Variants in FAM168A observed in about 807,000 individuals in gnomAD.
The protein encoded by FAM168A is protein FAM168A.
Under a neutral mutation model 28.5 loss-of-function variants are expected in FAM168A, and 3 were observed. The observed-to-expected ratio is 0.11, with a 90% CI of 0.05 to 0.27. The LOEUF is 0.27. FAM168A is among the 10% of genes least tolerant of loss of function. The pLI, the probability that FAM168A is intolerant of heterozygous loss-of-function variation, is 1.00. For synonymous variants in FAM168A, 122 were observed against 124.2 expected (o/e 0.98, Z 0.12); for missense variants, 222 against 311.5 (o/e 0.71, Z 2.16).
chr11:73,409,724 A>T lies in FAM168A; in HGVS notation c.421-63T>A. ...GAGGTAGGTGGGATATGGAGAGAGCAGCACTGGCTGAAGGACACAAGGTCC... is the reference window on the plus strand; with the variant it reads ...GAGGTAGGTGGGATATGGAGAGAGCTGCACTGGCTGAAGGACACAAGGTCC... On this transcript the variant is annotated intron_variant, in intron 5 of 7. Coordinates refer to ENST00000356467, the MANE Select transcript of FAM168A (RefSeq NM_015159.3). 9.3e-6 allele frequency: 14 copies of T among 1,504,314 alleles called. No individual in the cohort carries two copies. In the South Asian group the frequency reaches 1.7e-4, roughly 18 times the overall value. 93.2% of individuals were successfully genotyped at this position (1,504,314 alleles called of 1,614,324 possible). A position where few individuals can be genotyped will look rare whatever the true frequency, so the allele number is the denominator to read the frequency against.
At chr11:73,436,103 C>CT (rs11435669) in intron 2 of FAM168A, among the ~76,000 whole-genome samples, 9,445 of 152,142 alleles carry the variant, frequency 0.062, 873 homozygotes, top group African/African-American at 0.2. Flanking sequence ...CACAAGTTAG[C>CT]TTTTTTCCTT....
chr11:73,554,555 T>C (rs1943867661), intron 1 of FAM168A, among the ~76,000 whole-genome samples: 1 of 152,224 alleles, frequency 6.6e-6, no homozygotes, highest in Admixed American at 6.5e-5. Flanking sequence ...CCAAGTTTTC[T>C]AGTTTTTCCA....
chr11:73,579,178 A>G (rs575155816), intron 1 of FAM168A, among the ~76,000 whole-genome samples: 1 of 152,274 alleles, frequency 6.6e-6, no homozygotes, highest in Admixed American at 6.5e-5. Flanking sequence ...CACCCCAAAC[A>G]TCACACTGAG....
chr11:73,415,790 G>C lies in FAM168A; in HGVS notation c.277+4084C>G, dbSNP rs1397447313. ...CACAGATTTTGCCCAAATGAACTTA[G>C]ACTCAGTTCACTCACTGGAGGCCTG... On this transcript the variant is annotated intron_variant, in intron 4 of 7. Coordinates refer to ENST00000356467, the MANE Select transcript of FAM168A (RefSeq NM_015159.3). Among the ~76,000 whole-genome samples, 4 of 152,166 alleles carry C rather than the reference G, an allele frequency of 2.6e-5. No homozygotes were observed. In the East Asian group the frequency reaches 7.7e-4, roughly 29 times the overall value.
chr11:73,562,191 C>T (rs964075201), intron 1 of FAM168A, among the ~76,000 whole-genome samples: 18 of 152,200 alleles, frequency 1.2e-4, no homozygotes, highest in Non-Finnish European at 2.4e-4. Flanking sequence ...TCCGCCTGCC[C>T]TGGCCTCCCA....
chr11:73,519,801 C>T (rs1302498230), intron 1 of FAM168A, among the ~76,000 whole-genome samples: 3 of 148,954 alleles, frequency 2.0e-5, no homozygotes, highest in African/African-American at 4.9e-5. Context: ...TGTGCGTGTG[C>T]GTTTGTGTGT....
intron 2 of FAM168A, among the ~76,000 whole-genome samples, chr11:73,434,120 A>C (rs1275093490): frequency 6.6e-6 from 1 of 152,206 alleles, no homozygotes; most frequent in African/African-American, 2.4e-5. Context: ...CTGGGATTAC[A>C]GGCGTGAGCT....
At chr11:73,458,668 T>C (rs958913398) in intron 2 of FAM168A, among the ~76,000 whole-genome samples, 2 of 152,174 alleles carry the variant, frequency 1.3e-5, no homozygotes, top group African/African-American at 2.4e-5. Context: ...TGGAGTGCAA[T>C]GGTGCGATCT....
chr11:73,483,352 C>T (rs984823900), intron 1 of FAM168A, among the ~76,000 whole-genome samples: 13 of 152,072 alleles, frequency 8.5e-5, no homozygotes, highest in South Asian at 2.1e-4. Flanking sequence ...GAGCCTAAAA[C>T]GAGTAAGGAA....
intron 1 of FAM168A, among the ~76,000 whole-genome samples, chr11:73,571,586 C>T (rs1284989301): frequency 6.6e-6 from 1 of 151,678 alleles, no homozygotes; most frequent in African/African-American, 2.4e-5. Context: ...GGTGTGATCT[C>T]GGCTCGCTAC....
intron 1 of FAM168A, among the ~76,000 whole-genome samples, chr11:73,511,265 T>G: frequency 6.6e-6 from 1 of 150,726 alleles, no homozygotes; most frequent in African/African-American, 2.4e-5. Flanking sequence ...TGAGATGGAG[T>G]CCAGCTCTGT....
chr11:73,564,198 G>C (rs1433401630), intron 1 of FAM168A, among the ~76,000 whole-genome samples: 2 of 152,174 alleles, frequency 1.3e-5, no homozygotes, highest in African/African-American at 4.8e-5. Context: ...AGAATGTGAT[G>C]CCTTGGTTAC....
chr11:73,462,587 T>C (rs1345654817), intron 2 of FAM168A, among the ~76,000 whole-genome samples: 1 of 152,128 alleles, frequency 6.6e-6, no homozygotes, highest in Non-Finnish European at 1.5e-5. Flanking sequence ...ACAAAAATGG[T>C]TAAGATGGCT....
chr11:73,589,536 A>G (rs1944357588), intron 1 of FAM168A, among the ~76,000 whole-genome samples: 1 of 152,088 alleles, frequency 6.6e-6, no homozygotes. Context: ...TATAATTTTC[A>G]TGATATCCAC....
chr11:73,401,122 ATTTC>A lies in FAM168A; in HGVS notation c.*5637_*5640del, dbSNP rs1866399496. 6.7e-6 allele frequency: 1 copy of A among 148,814 alleles called. No individual in the cohort carries two copies. The highest frequency in any genetic ancestry group is 1.5e-5 in the Non-Finnish European group (1 of 67,576). 9.2% of individuals were successfully genotyped at this position (148,814 alleles called of 1,614,324 possible). A position where few individuals can be genotyped will look rare whatever the true frequency, so the allele number is the denominator to read the frequency against. On this transcript the variant is annotated 3_prime_UTR_variant, in exon 8 of 8. Coordinates refer to ENST00000356467, the MANE Select transcript of FAM168A (RefSeq NM_015159.3). Reference sequence around the variant, plus strand: ...TATTATTATTATTATTTTAAATTTTATTTCTTTTTAAAATGTGAGTTCCAATAAA... The same window carrying A: ...TATTATTATTATTATTTTAAATTTTATTTTTAAAATGTGAGTTCCAATAAA...
rs1217055863 is a variant in FAM168A at position 73,402,536 on chromosome 11, G to C, written c.*4227C>G. ...AACTTGGAACAATTCGGGTGGCCAG[G>C]GGTAAGGATGCTCAGAGTCTGGTTC... is the stretch of plus-strand genomic sequence containing the variant. On this transcript the variant is annotated 3_prime_UTR_variant, in exon 8 of 8. Transcript: ENST00000356467. The C allele has an allele frequency of 6.6e-6, 1 of 152,228 alleles. No homozygotes were observed. The highest frequency in any genetic ancestry group is 2.4e-5 in the African/African-American group (1 of 41,428). The allele number at this position is 152,228 out of a possible 1,614,324, so 9.4% of individuals were successfully genotyped here.
intron 3 of FAM168A, chr11:73,430,298 G>GTC (rs1424452165): frequency 8.1e-6 from 2 of 246,740 alleles, no homozygotes; most frequent in African/African-American, 4.7e-5. Flanking sequence ...GTGTGTGTGT[G>GTC]TGTGTCCCAA....
At chr11:73,489,139 A>G (rs1166913146) in intron 1 of FAM168A, among the ~76,000 whole-genome samples, 1 of 152,138 alleles carries the variant, frequency 6.6e-6, no homozygotes, top group African/African-American at 2.4e-5. Context: ...TTGGCCTCCA[A>G]AAGTGCTGGG....
intron 3 of FAM168A, among the ~76,000 whole-genome samples, chr11:73,428,331 A>T (rs57354084): frequency 0.081 from 12,301 of 152,212 alleles, 640 homozygotes; most frequent in Non-Finnish European, 0.11. Context: ...ATTCACTTCT[A>T]GTCAGTGTCC....
Sources: allele counts gnomAD v4.1 joint callset (sites outside exome capture counted in the v4.1 genomes callset), GRCh38; gene constraint gnomAD v4.1.1; transcripts MANE v1.5; gene names NCBI Gene and HGNC (gene_info 2026-07-23, HGNC 2026-07-21).